Variants in IQCM observed in about 807,000 individuals in gnomAD.
IQCM encodes the protein IQ domain-containing protein M.
Under a neutral mutation model 57.6 loss-of-function variants are expected in IQCM, and 45 were observed. The ratio of observed to expected loss-of-function variants is 0.78; its 90% CI spans 0.62 to 1.00. The LOEUF (loss-of-function observed/expected upper bound fraction) is 1.00, where lower values mean the gene tolerates loss of function less well. IQCM is among the 50% of genes least tolerant of loss of function. The pLI, the probability that IQCM is intolerant of heterozygous loss-of-function variation, is 0.00. For synonymous variants in IQCM, 148 were observed against 158.9 expected (o/e 0.93, Z 0.51); for missense variants, 468 against 511.6 (o/e 0.91, Z 0.82).
chr4:149,792,402 A>G (rs1036618569), intron 2 of IQCM, among the ~76,000 whole-genome samples: 2 of 152,126 alleles, frequency 1.3e-5, no homozygotes, highest in Non-Finnish European at 2.9e-5. Flanking sequence ...TACCAAAAAT[A>G]AAAAAATATA....
At chr4:149,557,066 TAGC>T (rs955759989) in intron 10 of IQCM, among the ~76,000 whole-genome samples, 2 of 152,202 alleles carry the variant, frequency 1.3e-5, no homozygotes, top group African/African-American at 4.8e-5. Context: ...AAATATTAAA[TAGC>T]AGCTCCTGAT....
Position 149,762,890 on chromosome 4 carries a change from T to C in IQCM, c.-48-20151A>G, listed in dbSNP as rs183934668. Among the ~76,000 whole-genome samples, 94 of 152,152 alleles carry C rather than the reference T, an allele frequency of 6.2e-4. 1 individual carries two copies. The East Asian group carries it at 0.015, about 24-fold the overall frequency. ...GTTAATCTGTTGCCACATAGCAATTTTTAGTAGCAGCTTCATAAACGTGTT... is the reference window on the plus strand; with the variant it reads ...GTTAATCTGTTGCCACATAGCAATTCTTAGTAGCAGCTTCATAAACGTGTT... On this transcript the variant is annotated intron_variant, in intron 2 of 13. Coordinates refer to ENST00000636793, the MANE Select transcript of IQCM (RefSeq NM_001363507.2).
chr4:149,682,422 C>A (rs1426598794), intron 6 of IQCM, among the ~76,000 whole-genome samples: 1 of 150,990 alleles, frequency 6.6e-6, no homozygotes, highest in Non-Finnish European at 1.5e-5. Flanking sequence ...AGACGAATAA[C>A]AAATAGGAAC....
intron 8 of IQCM, among the ~76,000 whole-genome samples, chr4:149,605,234 C>T (rs191212978): frequency 1.9e-3 from 290 of 152,158 alleles, no homozygotes; most frequent in Non-Finnish European, 3.5e-3. Context: ...AGTCAATGGC[C>T]TTTTATAATA....
chr4:149,499,275 T>G (rs1742994445), intron 12 of IQCM, among the ~76,000 whole-genome samples: 1 of 152,168 alleles, frequency 6.6e-6, no homozygotes, highest in Admixed American at 6.6e-5. Flanking sequence ...TATTACTCTT[T>G]AAGTTAAAAA....
At chr4:149,494,131 G>A (rs1478385603) in intron 12 of IQCM, among the ~76,000 whole-genome samples, 1 of 151,528 alleles carries the variant, frequency 6.6e-6, no homozygotes, top group Non-Finnish European at 1.5e-5. Context: ...CCCACAATAA[G>A]ATTCAGCCTC....
chr4:149,736,662 G>A (rs905798196), intron 3 of IQCM, among the ~76,000 whole-genome samples: 24 of 152,056 alleles, frequency 1.6e-4, no homozygotes, highest in African/African-American at 4.6e-4. Flanking sequence ...TCACCAAAAC[G>A]GCTAAAATTG....
chr4:149,666,900 T>A (rs550078697), intron 7 of IQCM, among the ~76,000 whole-genome samples: 1 of 152,178 alleles, frequency 6.6e-6, no homozygotes, highest in African/African-American at 2.4e-5. Context: ...GGGCAGGGCA[T>A]CTCTGAAAGA....
At chr4:149,402,104 T>G (rs1057237098) in intron 13 of IQCM, among the ~76,000 whole-genome samples, 2 of 151,782 alleles carry the variant, frequency 1.3e-5, no homozygotes, top group Non-Finnish European at 3.0e-5. Flanking sequence ...GAAAAAAGAA[T>G]AGAAATAATA....
At chr4:149,588,243 A>G (rs1485197679) in intron 8 of IQCM, among the ~76,000 whole-genome samples, 3 of 151,850 alleles carry the variant, frequency 2.0e-5, no homozygotes, top group Non-Finnish European at 4.4e-5. Flanking sequence ...AAATATCCTT[A>G]CAACTATATT....
At chr4:149,577,010 T>A (rs1751722733) in intron 9 of IQCM, among the ~76,000 whole-genome samples, 1 of 152,012 alleles carries the variant, frequency 6.6e-6, no homozygotes, top group African/African-American at 2.4e-5. Context: ...ATTTTTTATA[T>A]GCTCATTGGC....
At chr4:149,689,110 C>T (rs566432270) in intron 5 of IQCM, among the ~76,000 whole-genome samples, 1 of 151,852 alleles carries the variant, frequency 6.6e-6, no homozygotes, top group East Asian at 1.9e-4. Context: ...ACATGCACAC[C>T]TATGTTTATT....
At chr4:149,758,334 A>C (rs1309334264) in intron 2 of IQCM, among the ~76,000 whole-genome samples, 3 of 152,210 alleles carry the variant, frequency 2.0e-5, no homozygotes, top group Non-Finnish European at 4.4e-5. Context: ...CTAACTCAAA[A>C]TGGATCACAA....
intron 12 of IQCM, among the ~76,000 whole-genome samples, chr4:149,484,906 T>A (rs771400516): frequency 6.6e-6 from 1 of 152,122 alleles, no homozygotes; most frequent in Non-Finnish European, 1.5e-5. Flanking sequence ...TCAGCTTTTA[T>A]CTATCTGGGA....
At chr4:149,674,278 C>A (rs972844447) in intron 7 of IQCM, among the ~76,000 whole-genome samples, 2 of 151,998 alleles carry the variant, frequency 1.3e-5, no homozygotes, top group African/African-American at 2.4e-5. Flanking sequence ...ATAATTGGTA[C>A]AACACTTTTA....
Position 149,761,718 on chromosome 4 carries a change from A to C in IQCM, c.-48-18979T>G, listed in dbSNP as rs142736567. On this transcript the variant is annotated intron_variant, in intron 2 of 13. Transcript: ENST00000636793. ...GTTCCTACGAAGAGTCTCTAATACA[A>C]GTGTTCAAAACTATTTGCAAAACAA... Among the ~76,000 whole-genome samples the C allele has an allele frequency of 6.0e-3, 909 of 152,198 alleles. 11 individuals are homozygous for C. Among genetic ancestry groups the C allele is most frequent in the African/African-American group, 0.02 (841 of 41,556 alleles).
intron 5 of IQCM, among the ~76,000 whole-genome samples, chr4:149,701,163 A>C (rs1463797562): frequency 6.6e-6 from 1 of 152,032 alleles, no homozygotes; most frequent in Non-Finnish European, 1.5e-5. Flanking sequence ...GAAAGAATTC[A>C]TTTAACCCCA....
chr4:149,722,801 G>A lies in IQCM; in HGVS notation c.385+10443C>T, dbSNP rs185679632. Among the ~76,000 whole-genome samples the A allele has an allele frequency of 4.8e-3, 730 of 151,894 alleles. 4 individuals carry two copies. Among genetic ancestry groups the A allele is most frequent in the Admixed American group, 7.9e-3 (121 of 15,224 alleles). ...TTATTTGGTTCCATATGAATTTTAG[G>A]ACTGTTTTCTCTAATTCTGTGGGAA... On this transcript the variant is annotated intron_variant, in intron 5 of 13. Transcript: ENST00000636793.
chr4:149,485,386 C>T (rs1741364800), intron 12 of IQCM, among the ~76,000 whole-genome samples: 1 of 151,798 alleles, frequency 6.6e-6, no homozygotes, highest in Admixed American at 6.6e-5. Flanking sequence ...CGTAGGTATG[C>T]TTTATTGTTT....
Sources: gnomAD v4.1 joint callset for allele counts (sites outside exome capture counted in the v4.1 genomes callset) on GRCh38, gnomAD v4.1.1 for gene constraint, MANE v1.5 for transcripts, NCBI Gene and HGNC (gene_info 2026-07-23, HGNC 2026-07-21) for gene names.